Variants in CD38 observed in about 807,000 individuals in gnomAD.
CD38 encodes the protein CD38 molecule.
A neutral mutation model predicts 36.3 loss-of-function variants in CD38; 31 were observed. That is an observed-to-expected ratio of 0.85 (90% CI 0.64 to 1.15). CD38 has a LOEUF of 1.15. Ranked by LOEUF, CD38 falls within the 50% of genes most tolerant of loss-of-function variation. The pLI is 0.00. For synonymous variants in CD38, 131 were observed against 135.2 expected (o/e 0.97, Z 0.22); for missense variants, 380 against 371.9 (o/e 1.02, Z -0.18).
At chr4:15,837,991 T>G (rs1724107003) in intron 4 of CD38, 101 bp from the exon 5 acceptor site, 1 of 907,332 alleles carries the variant, frequency 1.1e-6, no homozygotes, top group Non-Finnish European at 1.8e-6. Flanking sequence ...ATATGGGATA[T>G]CCTTCCTTAA....
In CD38 at chr4:15,789,380, A is replaced by G. The variant is rs551254642; in HGVS notation, c.233+10733A>G. Among the ~76,000 whole-genome samples the G allele has an allele frequency of 2.6e-5, 4 of 152,328 alleles. No individual in the cohort carries two copies. In the South Asian group the frequency reaches 8.3e-4, roughly 32 times the overall value. On this transcript the variant is annotated intron_variant, in intron 1 of 7. Transcript: ENST00000226279. Reference sequence around the variant, plus strand: ...GCTGTGTAGTGTTTACAACTTACTCATTTATGAAGGAATCAGCAAGATGAT... The same window carrying G: ...GCTGTGTAGTGTTTACAACTTACTCGTTTATGAAGGAATCAGCAAGATGAT...
Position 15,850,150 on chromosome 4 carries a change from T to G in CD38, c.*1548T>G, listed in dbSNP as rs1169166266. Reference sequence around the variant, plus strand: ...CAGTGAGACATTATCTCCAAAAAAATTACCTGGGTATGGTGTTGTGCACCT... The same window carrying G: ...CAGTGAGACATTATCTCCAAAAAAAGTACCTGGGTATGGTGTTGTGCACCT... On this transcript the variant is annotated 3_prime_UTR_variant, in exon 8 of 8. Transcript: ENST00000226279. The G allele has an allele frequency of 6.6e-6, 1 of 152,044 alleles. No individual in the cohort carries two copies. Among genetic ancestry groups the G allele is most frequent in the South Asian group, 2.1e-4 (1 of 4,820 alleles). 9.4% of individuals were successfully genotyped at this position (152,044 alleles called of 1,614,324 possible). A position where few individuals can be genotyped will look rare whatever the true frequency, so the allele number is the denominator to read the frequency against.
intron 1 of CD38, among the ~76,000 whole-genome samples, chr4:15,787,142 G>A (rs1412495262): frequency 6.6e-6 from 1 of 152,254 alleles, no homozygotes; most frequent in African/African-American, 2.4e-5. Flanking sequence ...CCAGCCCAGA[G>A]AGGGTCTCCC....
At chr4:15,814,600 CTTGAG>C (rs1391806699) in intron 1 of CD38, among the ~76,000 whole-genome samples, 1 of 152,062 alleles carries the variant, frequency 6.6e-6, no homozygotes, top group Non-Finnish European at 1.5e-5. Context: ...TTTAATCCAT[CTTGAG>C]TTAATTTTTG....
intron 2 of CD38, among the ~76,000 whole-genome samples, chr4:15,822,257 G>A (rs4377588): frequency 6.6e-6 from 1 of 152,194 alleles, no homozygotes; most frequent in Non-Finnish European, 1.5e-5. Flanking sequence ...GCAAAAGCTG[G>A]AAGCATTCCC....
intron 2 of CD38, among the ~76,000 whole-genome samples, chr4:15,820,190 G>A (rs560268881): frequency 6.6e-6 from 1 of 152,252 alleles, no homozygotes; most frequent in Non-Finnish European, 1.5e-5. Context: ...AGCTCCTGAA[G>A]GAAGCACTAA....
At chr4:15,811,838 A>G (rs1011479757) in intron 1 of CD38, among the ~76,000 whole-genome samples, 1 of 152,220 alleles carries the variant, frequency 6.6e-6, no homozygotes, top group Non-Finnish European at 1.5e-5. Flanking sequence ...AAGCACTGGT[A>G]GGGCAGGTTT....
At chr4:15,802,401 T>A (rs1237774748) in intron 1 of CD38, among the ~76,000 whole-genome samples, 1 of 152,072 alleles carries the variant, frequency 6.6e-6, no homozygotes, top group African/African-American at 2.4e-5. Flanking sequence ...TCTATCGAAT[T>A]TTCAATGGCA....
intron 3 of CD38, among the ~76,000 whole-genome samples, chr4:15,829,366 ACAAT>A (rs1723915552): frequency 6.6e-6 from 1 of 152,194 alleles, no homozygotes; most frequent in Admixed American, 6.5e-5. Context: ...TGTGTTACAA[ACAAT>A]CCAATTTTAT....
chr4:15,833,816 A>T (rs1040364234), intron 3 of CD38, among the ~76,000 whole-genome samples: 2 of 152,222 alleles, frequency 1.3e-5, no homozygotes, highest in Non-Finnish European at 2.9e-5. Context: ...AGACTTAAGA[A>T]GTGGGGCAGG....
intron 1 of CD38, among the ~76,000 whole-genome samples, chr4:15,804,356 G>C (rs1723295790): frequency 6.6e-6 from 1 of 152,226 alleles, no homozygotes; most frequent in African/African-American, 2.4e-5. Context: ...ATTATGGAAA[G>C]CAGTGTGGAA....
intron 7 of CD38, among the ~76,000 whole-genome samples, chr4:15,842,416 C>T (rs1333164474): frequency 1.8e-5 from 1 of 56,662 alleles, no homozygotes; most frequent in African/African-American, 9.6e-5. Context: ...CTGTACATCA[C>T]CATCATCAAA....
chr4:15,786,189 G>A (rs1029568118), intron 1 of CD38, among the ~76,000 whole-genome samples: 2 of 152,204 alleles, frequency 1.3e-5, no homozygotes, highest in African/African-American at 4.8e-5. Context: ...CAGTGTAGAA[G>A]TGTAGAACGG....
chr4:15,835,149 G>A (rs1285461201), intron 4 of CD38, among the ~76,000 whole-genome samples: 1 of 151,792 alleles, frequency 6.6e-6, no homozygotes. Flanking sequence ...CTATAATTTT[G>A]TATCTTTTAA....
chr4:15,821,149 A>G (rs533028411), intron 2 of CD38, among the ~76,000 whole-genome samples: 117 of 152,358 alleles, frequency 7.7e-4, no homozygotes, highest in African/African-American at 2.7e-3. Flanking sequence ...AATAGGAAAA[A>G]AGAGACAATG....
chr4:15,782,088 C>T (rs1016053104), intron 1 of CD38, among the ~76,000 whole-genome samples: 1 of 152,180 alleles, frequency 6.6e-6, no homozygotes, highest in Non-Finnish European at 1.5e-5. Context: ...TGTGTTGCCA[C>T]ACGGCCTCTC....
chr4:15,835,320 A>G (rs1724042601), intron 4 of CD38, among the ~76,000 whole-genome samples: 1 of 148,866 alleles, frequency 6.7e-6, no homozygotes, highest in Admixed American at 6.7e-5. Flanking sequence ...ACTTAACATA[A>G]TGCCCTCCAG....
At chr4:15,806,979 T>C (rs1275603476) in intron 1 of CD38, among the ~76,000 whole-genome samples, 1 of 152,168 alleles carries the variant, frequency 6.6e-6, no homozygotes, top group East Asian at 1.9e-4. Context: ...ATCCCTTTGA[T>C]TCTTTAATAT....
intron 1 of CD38, among the ~76,000 whole-genome samples, chr4:15,782,311 A>C (rs1427511424): frequency 6.6e-6 from 1 of 152,222 alleles, no homozygotes; most frequent in Non-Finnish European, 1.5e-5. Context: ...CCCTCCATGG[A>C]GGAAGTAGCA....
Sources: gnomAD v4.1 joint callset for allele counts (sites outside exome capture counted in the v4.1 genomes callset) on GRCh38, gnomAD v4.1.1 for gene constraint, MANE v1.5 for transcripts, NCBI Gene and HGNC (gene_info 2026-07-23, HGNC 2026-07-21) for gene names.